TNC: variants seen among roughly 807,000 people sequenced by gnomAD.
The protein encoded by TNC is tenascin.
In TNC, 109 loss-of-function variants were observed where a neutral mutation model predicts 202.4. That is an observed-to-expected ratio of 0.54 (90% CI 0.46 to 0.63). The LOEUF (loss-of-function observed/expected upper bound fraction) is 0.63, where lower values mean the gene tolerates loss of function less well. TNC is among the 30% of genes least tolerant of loss of function. TNC has a pLI of 0.00. For missense variants in TNC, 2,756 were observed against 2,833.3 expected, an observed-to-expected ratio of 0.97 and a Z score of 0.62; for synonymous variants, 1,007 against 1,089.7, an observed-to-expected ratio of 0.92 and a Z score of 1.50.
chr9:115,069,755 C>T (rs1833304488), intron 10 of TNC, among the ~76,000 whole-genome samples: 1 of 20,890 alleles, frequency 4.8e-5, no homozygotes, highest in African/African-American at 2.1e-4. Context: ...TCCCTCCCTC[C>T]CTCCCTCCCT....
In TNC at chr9:115,084,406, T is replaced by C. The variant is rs549677684; in HGVS notation, c.1934A>G (p.Asn645Ser). 6.2e-7 allele frequency: 1 copy of C among 1,614,186 alleles called. No homozygotes were observed. Among genetic ancestry groups the C allele is most frequent in the East Asian group, 2.2e-5 (1 of 44,870 alleles). Residue 645 changes from asparagine (N) to serine (S), a missense_variant, in exon 4 of 28, where the codon AAT (asparagine) becomes AGT (serine). Coordinates refer to ENST00000350763, the MANE Select transcript of TNC (RefSeq NM_002160.4). ...AAGGTACTCTGTGACCCGCATCTCA[T>C]TGTCCCAGGCCAGGTTGACCGTCTC... is the stretch of plus-strand genomic sequence containing the variant. ...TEETVNLAWD[N>S]EMRVTEYLVV...
chr9:115,030,225 A>G (rs1178070796), intron 24 of TNC, 29 bp downstream of exon 24: 1 of 1,582,426 alleles, frequency 6.3e-7, no homozygotes, highest in Non-Finnish European at 8.6e-7. Context: ...CCTAGGCCTG[A>G]GGGCTCTGCA....
intron 14 of TNC, among the ~76,000 whole-genome samples, chr9:115,059,004 G>A (rs1195222610): frequency 2.0e-5 from 3 of 152,176 alleles, no homozygotes; most frequent in Non-Finnish European, 2.9e-5. Flanking sequence ...AGCAAAAAGG[G>A]TATCAGTTCT....
chr9:115,052,215 A>G (rs1831740647), intron 15 of TNC, among the ~76,000 whole-genome samples: 1 of 152,088 alleles, frequency 6.6e-6, no homozygotes, highest in African/African-American at 2.4e-5. Context: ...GCACAGAAAG[A>G]CAAATACTGC....
chr9:115,086,950 C>G lies in TNC; in HGVS notation c.781G>C (p.Gly261Arg). ...ACACACAAGCCATCTACACATGTGCCGTGCTCCTCACTGCAGGGCACTGGG... is the reference window on the plus strand; with the variant it reads ...ACACACAAGCCATCTACACATGTGCGGTGCTCCTCACTGCAGGGCACTGGG... ...ICPVPCSEEH[G>R]TCVDGLCVCH... Residue 261 changes from glycine to arginine, a missense_variant, in exon 3 of 28, where the codon GGC (glycine) becomes CGC (arginine). Gly to Arg is a moderately radical substitution (Grantham distance 125, BLOSUM62 -2). Transcript: ENST00000350763. 1 of 1,614,202 alleles carries G rather than the reference C, an allele frequency of 6.2e-7. No individual in the cohort carries two copies. The highest frequency in any genetic ancestry group is 8.5e-7 in the Non-Finnish European group (1 of 1,180,044).
At chr9:115,075,605 T>A (rs1833786036) in intron 9 of TNC, among the ~76,000 whole-genome samples, 1 of 152,076 alleles carries the variant, frequency 6.6e-6, no homozygotes, top group African/African-American at 2.4e-5. Context: ...GCCAACATGG[T>A]GAAACCCCAT....
chr9:115,107,323 G>A (rs1310371147), intron 1 of TNC, among the ~76,000 whole-genome samples: 1 of 152,154 alleles, frequency 6.6e-6, no homozygotes, highest in African/African-American at 2.4e-5. Flanking sequence ...AATGAGCATG[G>A]CTGTGTTCCA....
Position 115,038,302 on chromosome 9 carries a change from G to A in TNC, c.5471C>T (p.Ala1824Val). 6.2e-7 allele frequency: 1 copy of A among 1,614,012 alleles called. No homozygotes were observed. The highest frequency in any genetic ancestry group is 8.5e-7 in the Non-Finnish European group (1 of 1,179,994). ...EALARWQPAI[A>V]TVDSYVISYT... is the part of the protein sequence containing the mutation. ...GGAGATGACATAACTGTCCACAGTGGCAATGGCTGGCTGCCACCTGGCCAA... is the reference window on the plus strand; with the variant it reads ...GGAGATGACATAACTGTCCACAGTGACAATGGCTGGCTGCCACCTGGCCAA... The change falls in exon 20 of 28, where the codon GCC becomes GTC. Residue 1824 changes from alanine (A) to valine (V), a missense_variant. Physicochemically the swap from Ala to Val is moderately conservative, Grantham distance 64. Around this residue, in one of 2 missense-constraint regions of TNC, gnomAD observed 2,559 missense variants for 2,546.0 expected, o/e 1.01. Coordinates refer to ENST00000350763, the MANE Select transcript of TNC (RefSeq NM_002160.4).
rs553049111 is a variant in TNC, at chr9:115,117,827, T to C, written c.-137+155A>G. ...AAGACCAGAAAAGTCAAGGTGCATC[T>C]GATATAACCAATACACACTCCTTTT... On this transcript the variant is annotated intron_variant, in intron 1 of 27. Coordinates refer to ENST00000350763, the MANE Select transcript of TNC (RefSeq NM_002160.4). Among the ~76,000 whole-genome samples, 845 of 151,880 alleles carry C rather than the reference T, an allele frequency of 5.6e-3. 7 individuals are homozygous for C. The highest frequency in any genetic ancestry group is 0.014 in the Middle Eastern group (4 of 294).
At chr9:115,040,517 C>T (rs1416064688) in intron 19 of TNC, among the ~76,000 whole-genome samples, 1 of 152,180 alleles carries the variant, frequency 6.6e-6, no homozygotes, top group Non-Finnish European at 1.5e-5. Context: ...GCTTTACAAA[C>T]ACAGCTTCAT....
chr9:115,085,963 C>T lies in TNC; in HGVS notation c.1768G>A (p.Gly590Ser), dbSNP rs1800619660. ...CHEGFTGLDC[G>S]QHSCPSDCNN... is the part of the protein sequence containing the mutation. Reference sequence around the variant, plus strand: ...CAGTCACTGGGGCAGGAGTGCTGGCCACAGTCCAGGCCTGTGAAGCCCTCG... The same window carrying T: ...CAGTCACTGGGGCAGGAGTGCTGGCTACAGTCCAGGCCTGTGAAGCCCTCG... Residue 590 changes from glycine (G) to serine (S), a missense_variant, in exon 3 of 28, where the codon GGC becomes AGC. Around this residue, in one of 2 missense-constraint regions of TNC, gnomAD observed 2,559 missense variants for 2,546.0 expected, o/e 1.01. Coordinates refer to ENST00000350763, the MANE Select transcript of TNC (RefSeq NM_002160.4). The T allele has an allele frequency of 1.2e-6, 2 of 1,613,942 alleles. No individual in the cohort carries two copies. Among genetic ancestry groups the T allele is most frequent in the Non-Finnish European group, 1.7e-6 (2 of 1,179,932 alleles).
chr9:115,038,792 CCTTTTCTTTTCTTTTCT>C (rs528646678), intron 19 of TNC, among the ~76,000 whole-genome samples: 2 of 152,060 alleles, frequency 1.3e-5, no homozygotes, highest in African/African-American at 2.4e-5. Context: ...ACTGCCCGAG[CCTTTTCTTTTCTTTTCT>C]CTTTTCTTTT....
rs1229480561 is a variant in TNC at position 115,038,375 on chromosome 9, C to T, written c.5398G>A (p.Asp1800Asn). ...GCTGTCACCAGGCCAGATGGGCCAT[C>T]CAGAGCTGCAAAGAAAGATGGTGGA... The part of the protein sequence containing the change: ...PVSGSFTTAL[D>N]GPSGLVTANI... The change falls in exon 20 of 28, where the codon GAT (aspartate) becomes AAT (asparagine). Residue 1800 changes from aspartate to asparagine, a missense_variant. Transcript: ENST00000350763. 1 of 1,613,916 alleles carries T rather than the reference C, an allele frequency of 6.2e-7. No individual in the cohort carries two copies. The highest frequency in any genetic ancestry group is 8.5e-7 in the Non-Finnish European group (1 of 1,179,884).
chr9:115,056,221 T>C (rs1415918831), intron 15 of TNC, among the ~76,000 whole-genome samples: 2 of 152,164 alleles, frequency 1.3e-5, no homozygotes, highest in Admixed American at 1.3e-4. Context: ...TTCTAGTTTG[T>C]GATTTCTTCA....
At chr9:115,109,034 T>TA (rs1836836650) in intron 1 of TNC, among the ~76,000 whole-genome samples, 1 of 152,196 alleles carries the variant, frequency 6.6e-6, no homozygotes, top group African/African-American at 2.4e-5. Context: ...TCACCAGCCC[T>TA]AAAACTATGT....
In TNC at chr9:115,059,918, G is replaced by A. The variant is rs780499047; in HGVS notation, c.4118C>T (p.Ala1373Val). The A allele has an allele frequency of 2.5e-6, 4 of 1,614,092 alleles. No homozygotes were observed. In the East Asian group the frequency reaches 8.9e-5, roughly 36 times the overall value. ...LRLNWTAADN[A>V]YEHFVIQVQE... ...CACCTGAATGACAAAGTGCTCATAGGCATTGTCAGCTGCGGTCCAGTTGAG... is the reference window on the plus strand; with the variant it reads ...CACCTGAATGACAAAGTGCTCATAGACATTGTCAGCTGCGGTCCAGTTGAG... Residue 1373 changes from alanine to valine, a missense_variant, in exon 14 of 28, where the codon GCC becomes GTC. By Grantham distance (64) the Ala-to-Val change is moderately conservative (BLOSUM62 0). This residue lies in a region of TNC where 2,559 missense variants were observed against 2,546.0 expected (regional missense o/e 1.01). Coordinates refer to ENST00000350763, the MANE Select transcript of TNC (RefSeq NM_002160.4).
chr9:115,069,829 T>C (rs1353330194), intron 10 of TNC, among the ~76,000 whole-genome samples: 1 of 133,142 alleles, frequency 7.5e-6, no homozygotes, highest in African/African-American at 2.8e-5. Flanking sequence ...CCTCCCTTCC[T>C]TCCTCCCTTC....
chr9:115,023,882 C>A (rs1829274693), intron 27 of TNC, 91 bp downstream of exon 27: 1 of 1,408,514 alleles, frequency 7.1e-7, no homozygotes, highest in African/African-American at 1.4e-5. Context: ...GCCTCCTAGT[C>A]TCTGCTAGGA....
chr9:115,064,192 T>A, intron 11 of TNC, 124 bp from the exon 12 acceptor site: 1 of 964,578 alleles, frequency 1.0e-6, no homozygotes, highest in Non-Finnish European at 1.5e-6. Flanking sequence ...TAGATAAACA[T>A]GCATCATGCA....
Sources: gnomAD v4.1 joint callset for allele counts (sites outside exome capture counted in the v4.1 genomes callset) on GRCh38, gnomAD v4.1.1 for gene constraint, gnomAD v4.1.1 regional missense constraint, MANE v1.5 for transcripts, NCBI Gene and HGNC (gene_info 2026-07-23, HGNC 2026-07-21) for gene names.